The following ABCA12 variants were observed in gnomAD, a reference collection of about 807,000 sequenced individuals.
ABCA12 encodes glucosylceramide transporter ABCA12.
In ABCA12, 156 loss-of-function variants were observed where a neutral mutation model predicts 293.5. That is an observed-to-expected ratio of 0.53 (90% CI 0.47 to 0.61). ABCA12 has a LOEUF of 0.61. Ranked by LOEUF, ABCA12 falls within the 20% of genes least tolerant of loss-of-function variation. The probability of loss-of-function intolerance (pLI) is 0.00; values close to 1 mark genes in which losing one functional copy is unlikely to be tolerated. For missense variants in ABCA12, 2,797 were observed against 3,090.2 expected (o/e 0.91, Z 2.25); for synonymous variants, 1,063 against 1,108.0 (o/e 0.96, Z 0.81).
intron 18 of ABCA12, among the ~76,000 whole-genome samples, chr2:215,009,014 T>C (rs1442167995): frequency 6.6e-6 from 1 of 152,096 alleles, no homozygotes; most frequent in Non-Finnish European, 1.5e-5. Context: ...ATTATAAAGA[T>C]GCATGCATGC....
At chr2:215,030,096 C>T in intron 9 of ABCA12, 1 of 152,134 alleles carries the variant, frequency 6.6e-6, no homozygotes, top group Non-Finnish European at 1.5e-5. Context: ...GGAATTCTTC[C>T]TAATAAACTG....
chr2:215,025,904 C>T (rs2106022699), intron 10 of ABCA12, 125 bp from the exon 11 acceptor site: 2 of 670,464 alleles, frequency 3.0e-6, no homozygotes, highest in South Asian at 3.3e-5. Flanking sequence ...TACCTCAATA[C>T]AAACATAAGA....
chr2:215,062,203 C>T (rs1023268563), intron 3 of ABCA12, among the ~76,000 whole-genome samples: 3 of 151,982 alleles, frequency 2.0e-5, no homozygotes, highest in Admixed American at 6.6e-5. Flanking sequence ...GTTTTCCCTC[C>T]GCTGCTAGAA....
At chr2:215,061,865 T>G (rs977796673) in intron 3 of ABCA12, among the ~76,000 whole-genome samples, 1 of 152,036 alleles carries the variant, frequency 6.6e-6, no homozygotes, top group Admixed American at 6.6e-5. Context: ...TGCAACCCCA[T>G]GAATTTGGTT....
At chr2:214,982,017 A>C (rs1312547365) in intron 30 of ABCA12, among the ~76,000 whole-genome samples, 170 bp downstream of exon 30, 3 of 148,392 alleles carry the variant, frequency 2.0e-5, no homozygotes, top group African/African-American at 7.5e-5. Flanking sequence ...TCACTATGTT[A>C]CCCAGGCTGG....
intron 1 of ABCA12, among the ~76,000 whole-genome samples, chr2:215,120,174 G>T (rs1367905170): frequency 6.6e-6 from 1 of 152,172 alleles, no homozygotes; most frequent in African/African-American, 2.4e-5. Context: ...TGTAAGAACA[G>T]AAAACTAAAT....
chr2:215,095,411 C>G (rs184792074), intron 2 of ABCA12, among the ~76,000 whole-genome samples: 46 of 152,168 alleles, frequency 3.0e-4, no homozygotes, highest in Non-Finnish European at 5.9e-4. Flanking sequence ...CATACAGAAC[C>G]GCATCCAGGC....
In ABCA12 at chr2:215,007,670, T is replaced by C; in HGVS notation, c.2592+57A>G. ...CTTCCCGTTCACATATTGAAGGCAA[T>C]TAAAATCTCAAAGAATTCAAATTCC... On this transcript the variant is annotated intron_variant, in intron 19 of 52. Coordinates refer to ENST00000272895, the MANE Select transcript of ABCA12 (RefSeq NM_173076.3). The C allele has an allele frequency of 5.0e-6, 8 of 1,608,920 alleles. No individual in the cohort carries two copies. The South Asian group carries it at 8.8e-5, about 18-fold the overall frequency.
At chr2:215,105,154 T>G (rs1192988469) in intron 2 of ABCA12, among the ~76,000 whole-genome samples, 1 of 152,198 alleles carries the variant, frequency 6.6e-6, no homozygotes, top group Non-Finnish European at 1.5e-5. Context: ...TGATTTCTGC[T>G]ATTAATGTGC....
intron 9 of ABCA12, 91 bp from the exon 10 acceptor site, chr2:215,027,029 T>A (rs564146590): frequency 1.1e-6 from 1 of 931,708 alleles, no homozygotes; most frequent in South Asian, 1.3e-5. Flanking sequence ...TTGTTTGGCA[T>A]TGGTTGACTT....
At chr2:215,128,697 C>G (rs1460187417) in intron 1 of ABCA12, among the ~76,000 whole-genome samples, 1 of 151,630 alleles carries the variant, frequency 6.6e-6, no homozygotes, top group Admixed American at 6.6e-5. Context: ...TCTCCCTTCA[C>G]TTCTTCTTTC....
intron 39 of ABCA12, 91 bp from the exon 40 acceptor site, chr2:214,959,169 T>C: frequency 9.0e-7 from 1 of 1,110,624 alleles, no homozygotes; most frequent in Non-Finnish European, 1.4e-6. Context: ...CTTTCCTCCT[T>C]ATATTATTAT....
intron 42 of ABCA12, 90 bp downstream of exon 42, chr2:214,956,573 G>T: frequency 1.1e-6 from 1 of 935,538 alleles, no homozygotes; most frequent in Non-Finnish European, 1.7e-6. Flanking sequence ...CAAGACAATT[G>T]TAATTTAGCT....
Position 215,001,286 on chromosome 2 carries a change from T to G in ABCA12, c.2864-266A>C, listed in dbSNP as rs572133118. The stretch of plus-strand genomic sequence containing the variant: ...CCACTTATTAATATAAAAACACTTT[T>G]AGATAAATAATGACTGATTATGAGG... On this transcript the variant is annotated intron_variant, in intron 21 of 52. Transcript: ENST00000272895. Among the ~76,000 whole-genome samples the G allele has an allele frequency of 1.1e-4, 16 of 152,316 alleles. No individual in the cohort carries two copies. The South Asian group carries it at 3.3e-3, about 32-fold the overall frequency.
In ABCA12 at chr2:214,932,713, T is replaced by G. The variant is rs749949881; in HGVS notation, c.7709A>C (p.Lys2570Thr). The G allele has an allele frequency of 3.1e-6, 5 of 1,613,652 alleles. No individual in the cohort carries two copies. The Middle Eastern group carries it at 8.3e-4, about 267-fold the overall frequency. ...EVFINFAKDQ[K>T]SYETADTSSQ... The stretch of plus-strand genomic sequence containing the variant: ...GCTGGTATCAGCAGTTTCATAGGAC[T>G]TCTGGTCTTTGGCAAAGTTGATGAA... The change falls in exon 53 of 53, where the codon AAG becomes ACG. Residue 2570 changes from lysine to threonine, a missense_variant. Transcript: ENST00000272895.
intron 7 of ABCA12, chr2:215,042,326 T>G (rs1383250863): frequency 6.6e-6 from 1 of 152,184 alleles, no homozygotes; most frequent in Non-Finnish European, 1.5e-5. Flanking sequence ...AACCTCAAAC[T>G]CCCAAGCTCA....
At chr2:214,972,571 C>T (rs1699410329) in intron 36 of ABCA12, among the ~76,000 whole-genome samples, 1 of 151,996 alleles carries the variant, frequency 6.6e-6, no homozygotes, top group African/African-American at 2.4e-5. Flanking sequence ...CTACACCCAG[C>T]TAATTTTTAA....
At chr2:215,093,347 A>G (rs939874868) in intron 2 of ABCA12, among the ~76,000 whole-genome samples, 2 of 152,150 alleles carry the variant, frequency 1.3e-5, no homozygotes, top group African/African-American at 4.8e-5. Flanking sequence ...AAACCATTAC[A>G]TAAACTCACA....
chr2:215,120,853 G>A (rs1702791762), intron 1 of ABCA12, among the ~76,000 whole-genome samples: 1 of 152,116 alleles, frequency 6.6e-6, no homozygotes, highest in African/African-American at 2.4e-5. Flanking sequence ...TTCCACATGA[G>A]AATTCTATGA....
Sources: allele counts gnomAD v4.1 joint callset (sites outside exome capture counted in the v4.1 genomes callset), GRCh38; gene constraint gnomAD v4.1.1; transcripts MANE v1.5; gene names NCBI Gene and HGNC (gene_info 2026-07-23, HGNC 2026-07-21).